RPL26L1: variants seen among roughly 807,000 people sequenced by gnomAD.
RPL26L1 encodes the protein ribosomal protein uL24-like.
Under a neutral mutation model 15.2 loss-of-function variants are expected in RPL26L1, and 8 were observed. That is an observed-to-expected ratio of 0.53 (90% CI 0.31 to 0.95). The LOEUF (loss-of-function observed/expected upper bound fraction) is 0.95, where lower values mean the gene tolerates loss of function less well. RPL26L1 is among the 40% of genes least tolerant of loss of function. The pLI is 0.05. For synonymous variants in RPL26L1, 51 were observed against 65.9 expected (o/e 0.77, Z 1.09); for missense variants, 146 against 190.9 (o/e 0.76, Z 1.39).
At position 172,968,527 on chromosome 5, in the gene RPL26L1, C is replaced by T. The variant is rs1755560013; in HGVS notation, c.237C>T (p.Val79=). 2 of 1,614,144 alleles carry T rather than the reference C, an allele frequency of 1.2e-6. No homozygotes were observed. The highest frequency in any genetic ancestry group is 1.7e-5 in the Admixed American group (1 of 59,994). Reference sequence around the variant, plus strand: ...TCCAGGTGTACAGAAAGAAATATGTCATCTACATCGAGCGGGTGCAGCGTG... The same window carrying T: ...TCCAGGTGTACAGAAAGAAATATGTTATCTACATCGAGCGGGTGCAGCGTG... ...KVVQVYRKKY[V]IYIERVQREK... is the part of the protein sequence containing the mutation. Residue 79 remains valine (V), a synonymous_variant, in exon 3 of 4, where the codon GTC becomes GTT. Transcript: ENST00000265100.
chr5:172,960,900 A>T (rs917453557), intron 2 of RPL26L1, among the ~76,000 whole-genome samples: 2 of 109,786 alleles, frequency 1.8e-5, no homozygotes, highest in Non-Finnish European at 3.4e-5. Flanking sequence ...TGGACTGGAT[A>T]ATTGTTGTGG....
rs780555182 is a variant in RPL26L1 at position 172,959,977 on chromosome 5, C to T, written c.104C>T (p.Ser35Phe). 5.6e-6 allele frequency: 9 copies of T among 1,614,080 alleles called. No homozygotes were observed. In the African/African-American group the frequency reaches 1.2e-4, roughly 22 times the overall value. ...VRRKIMSSPL[S>F]KELRQKYNVR... ...AGGAAGATCATGTCATCCCCGCTCTCCAAGGAGCTGCGGCAGAAGTACAAT... is the reference window on the plus strand; with the variant it reads ...AGGAAGATCATGTCATCCCCGCTCTTCAAGGAGCTGCGGCAGAAGTACAAT... Residue 35 changes from serine to phenylalanine, a missense_variant, in exon 2 of 4, where the codon TCC (serine) becomes TTC (phenylalanine). By Grantham distance (155) the Ser-to-Phe change is radical. Coordinates refer to ENST00000265100, the MANE Select transcript of RPL26L1 (RefSeq NM_016093.4).
At chr5:172,956,093 A>G (rs1171515741), upstream of RPL26L1, 1 of 152,236 alleles carries the variant, frequency 6.6e-6, no homozygotes, top group Non-Finnish European at 1.5e-5. Flanking sequence ...TAAATCTTCA[A>G]AATGTAATTT....
upstream of RPL26L1, chr5:172,955,358 A>C (rs1268410388): frequency 5.1e-6 from 1 of 195,654 alleles, no homozygotes; most frequent in Non-Finnish European, 1.1e-5. Flanking sequence ...CGAACTCCTG[A>C]CCTCAGGTGA....
chr5:172,967,326 C>T (rs536178842), intron 2 of RPL26L1, among the ~76,000 whole-genome samples: 1 of 152,100 alleles, frequency 6.6e-6, no homozygotes, highest in South Asian at 2.1e-4. Context: ...TTAGCCAGGC[C>T]TGCTGGTGCG....
rs1755598809 is a variant in RPL26L1, at chr5:172,969,398, TCTCA to T, written c.310-11_310-8del. 2 of 1,611,844 alleles carry T rather than the reference TCTCA, an allele frequency of 1.2e-6. No homozygotes were observed. The highest frequency in any genetic ancestry group is 2.2e-5 in the South Asian group (2 of 90,844). ...GGGATGCAGAAATAAAGACCTGTTT[TCTCA>T]CTCCCAACAGGTGGTTATCACCAGG... is the stretch of plus-strand genomic sequence containing the variant. On this transcript the variant is annotated splice_polypyrimidine_tract_variant and intron_variant, in intron 3 of 3. Coordinates refer to ENST00000265100, the MANE Select transcript of RPL26L1 (RefSeq NM_016093.4).
At chr5:172,966,639 G>T (rs373345799) in intron 2 of RPL26L1, among the ~76,000 whole-genome samples, 1 of 44,612 alleles carries the variant, frequency 2.2e-5, no homozygotes, top group African/African-American at 4.4e-5. Flanking sequence ...AGTCTTGATG[G>T]TATTAACAAG....
At chr5:172,966,165 A>G (rs1248484027) in intron 2 of RPL26L1, among the ~76,000 whole-genome samples, 1 of 151,818 alleles carries the variant, frequency 6.6e-6, no homozygotes, top group African/African-American at 2.4e-5. Flanking sequence ...TTATTTTGAG[A>G]CAGGATCTCA....
chr5:172,966,951 G>T (rs1191973153), intron 2 of RPL26L1, among the ~76,000 whole-genome samples: 1 of 151,818 alleles, frequency 6.6e-6, no homozygotes, highest in Non-Finnish European at 1.5e-5. Context: ...CGCCTTCCAG[G>T]TTCAAGTGAT....
intron 2 of RPL26L1, among the ~76,000 whole-genome samples, chr5:172,964,281 C>CTTTTTTT (rs1204432096): frequency 2.0e-5 from 2 of 99,234 alleles, no homozygotes; most frequent in South Asian, 3.1e-4. Context: ...GGCCTGTTGC[C>CTTTTTTT]TTTTTTTTTT....
intron 2 of RPL26L1, among the ~76,000 whole-genome samples, chr5:172,965,661 C>T (rs1161804989): frequency 6.6e-6 from 1 of 152,210 alleles, no homozygotes; most frequent in Non-Finnish European, 1.5e-5. Context: ...TGTAACACCA[C>T]ACTTGCATGA....
chr5:172,968,957 A>G (rs1755581722), intron 3 of RPL26L1, among the ~76,000 whole-genome samples: 1 of 150,496 alleles, frequency 6.6e-6, no homozygotes. Flanking sequence ...ACAGGCACAC[A>G]CCACCACGCC....
chr5:172,955,131 T>A (rs1296590599), upstream of RPL26L1: 1 of 8,212 alleles, frequency 1.2e-4, no homozygotes, highest in African/African-American at 6.5e-4. Flanking sequence ...TGTGGTTAGT[T>A]TTTTTTTTTT....
chr5:172,966,313 ATTTTTTTT>A (rs386405707), intron 2 of RPL26L1, among the ~76,000 whole-genome samples: 37 of 63,664 alleles, frequency 5.8e-4, no homozygotes, highest in South Asian at 1.2e-3. Flanking sequence ...CTGGCTAACT[ATTTTTTTT>A]TTTTTTTTTT....
intron 3 of RPL26L1, 87 bp downstream of exon 3, chr5:172,968,686 G>A: frequency 2.0e-6 from 3 of 1,483,334 alleles, no homozygotes; most frequent in East Asian, 2.4e-5. Flanking sequence ...TCCCTGCACA[G>A]TTGGCTGAGG....
intron 2 of RPL26L1, among the ~76,000 whole-genome samples, chr5:172,963,050 G>T (rs1485274433): frequency 1.3e-5 from 2 of 151,918 alleles, no homozygotes; most frequent in African/African-American, 4.8e-5. Context: ...GAGTTAGCCA[G>T]GTGCTTACCA....
chr5:172,959,408 C>T, upstream of RPL26L1: 1 of 1,004,924 alleles, frequency 1.0e-6, no homozygotes, highest in Non-Finnish European at 1.2e-6. Context: ...TCTGCGCTTG[C>T]GCGGCACGGA....
intron 2 of RPL26L1, 77 bp from the exon 3 acceptor site, chr5:172,968,382 T>G: frequency 6.4e-7 from 1 of 1,557,800 alleles, no homozygotes; most frequent in East Asian, 2.3e-5. Context: ...TTAGCCCATG[T>G]GTTCCTGATG....
intron 2 of RPL26L1, among the ~76,000 whole-genome samples, chr5:172,966,768 A>G (rs1008868229): frequency 1.3e-5 from 2 of 152,046 alleles, no homozygotes; most frequent in African/African-American, 2.4e-5. Context: ...CAAACAAGCT[A>G]TACGTAGACA....
Sources: allele counts gnomAD v4.1 joint callset (sites outside exome capture counted in the v4.1 genomes callset), GRCh38; gene constraint gnomAD v4.1.1; transcripts MANE v1.5; gene names NCBI Gene and HGNC (gene_info 2026-07-23, HGNC 2026-07-21).